Variants in AP4E1 observed in about 807,000 individuals in gnomAD.
AP4E1 encodes adaptor related protein complex 4 subunit epsilon 1, also known as AP-4 complex subunit epsilon-1.
A neutral mutation model predicts 128.2 loss-of-function variants in AP4E1; 56 were observed. The ratio of observed to expected loss-of-function variants is 0.44; its 90% CI spans 0.35 to 0.55. The LOEUF is 0.55. AP4E1 is among the 20% of genes least tolerant of loss of function. AP4E1 has a pLI of 0.00. For missense variants in AP4E1, 1,324 were observed against 1,307.7 expected, an observed-to-expected ratio of 1.01 and a Z score of -0.19; for synonymous variants, 484 against 473.1, an observed-to-expected ratio of 1.02 and a Z score of -0.30.
At chr15:50,965,780 T>C (rs939589296) in intron 14 of AP4E1, among the ~76,000 whole-genome samples, 10 of 152,346 alleles carry the variant, frequency 6.6e-5, no homozygotes, top group African/African-American at 2.4e-4. Context: ...TGTTAAAGTC[T>C]TCACCATTTT....
In AP4E1 at chr15:50,993,604, A is replaced by T; in HGVS notation, c.2325A>T (p.Gly775=). Reference sequence around the variant, plus strand: ...CATCATCATTATTTGTTGGTCTAGGATCAGAAAGTACAATCAACCTGGTAA... The same window carrying T: ...CATCATCATTATTTGTTGGTCTAGGTTCAGAAAGTACAATCAACCTGGTAA... ...LLASSLFVGL[G]SESTINLLGK... Residue 775 remains glycine, a synonymous_variant, in exon 17 of 21, where the codon GGA becomes GGT. Coordinates refer to ENST00000261842, the MANE Select transcript of AP4E1 (RefSeq NM_007347.5). The T allele has an allele frequency of 6.2e-7, 1 of 1,613,974 alleles. No individual in the cohort carries two copies. The highest frequency in any genetic ancestry group is 8.5e-7 in the Non-Finnish European group (1 of 1,179,874).
intron 11 of AP4E1, among the ~76,000 whole-genome samples, chr15:50,948,841 G>A (rs569033284): frequency 4.6e-5 from 7 of 151,568 alleles, no homozygotes; most frequent in Non-Finnish European, 1.0e-4. Context: ...GCATGGTGGC[G>A]CATGCCTGTA....
intron 16 of AP4E1, among the ~76,000 whole-genome samples, chr15:50,984,442 T>C (rs1331010011): frequency 6.6e-6 from 1 of 151,200 alleles, no homozygotes; most frequent in Non-Finnish European, 1.5e-5. Context: ...TATCTCCTAA[T>C]ACTATCCCTT....
chr15:50,949,988 T>G, intron 12 of AP4E1, 50 bp downstream of exon 12: 3 of 1,592,730 alleles, frequency 1.9e-6, no homozygotes, highest in Non-Finnish European at 2.6e-6. Flanking sequence ...AGTTTAATGT[T>G]TTTATTACAG....
chr15:50,999,342 A>G (rs896803546), intron 19 of AP4E1, 80 bp downstream of exon 19: 3 of 1,242,168 alleles, frequency 2.4e-6, no homozygotes, highest in Admixed American at 2.0e-5. Flanking sequence ...TGGAGGCACT[A>G]TGTTGGGTGC....
chr15:50,935,297 T>C (rs1321337338), intron 8 of AP4E1, among the ~76,000 whole-genome samples: 2 of 151,546 alleles, frequency 1.3e-5, no homozygotes, highest in African/African-American at 4.9e-5. Context: ...TAAGAAGACA[T>C]CTGAAGGATG....
intron 6 of AP4E1, 91 bp from the exon 7 acceptor site, chr15:50,930,714 T>C: frequency 8.4e-7 from 1 of 1,195,310 alleles, no homozygotes; most frequent in South Asian, 1.2e-5. Flanking sequence ...CTTAAGTATG[T>C]ATTAAGTCAG....
chr15:50,927,933 A>G (rs1201553933), intron 5 of AP4E1, among the ~76,000 whole-genome samples: 2 of 152,206 alleles, frequency 1.3e-5, no homozygotes, highest in Admixed American at 1.3e-4. Context: ...TGCAAATAAC[A>G]GATATGTAGA....
chr15:50,999,141 G>A lies in AP4E1; in HGVS notation c.2974G>A (p.Val992Met). The change falls in exon 19 of 21, where the codon GTG becomes ATG. Residue 992 changes from valine to methionine, a missense_variant. Physicochemically the swap from Val to Met is conservative, Grantham distance 21 (BLOSUM62 1). Transcript: ENST00000261842. The stretch of plus-strand genomic sequence containing the variant: ...AAGCACCAAAAGCTTTCAATATAGT[G>A]TGCAGATAGAAAAACCTTTTACAGA... ...AESTKSFQYS[V>M]QIEKPFTEGN... is the part of the protein sequence containing the mutation. The A allele has an allele frequency of 6.2e-7, 1 of 1,613,986 alleles. No homozygotes were observed. Among genetic ancestry groups the A allele is most frequent in the Non-Finnish European group, 8.5e-7 (1 of 1,179,960 alleles).
chr15:50,999,826 A>G (rs1341792771), intron 19 of AP4E1, among the ~76,000 whole-genome samples: 3 of 149,402 alleles, frequency 2.0e-5, no homozygotes, highest in African/African-American at 7.3e-5. Context: ...GGCAGTAGGT[A>G]TATCTCCTAA....
chr15:50,983,546 A>G (rs1445062010), intron 15 of AP4E1, among the ~76,000 whole-genome samples: 1 of 152,198 alleles, frequency 6.6e-6, no homozygotes, highest in East Asian at 1.9e-4. Context: ...TAGGTTATAC[A>G]GATTAAAAGG....
At chr15:50,913,111 C>G (rs1306040335) in intron 2 of AP4E1, among the ~76,000 whole-genome samples, 1 of 152,146 alleles carries the variant, frequency 6.6e-6, no homozygotes, top group Non-Finnish European at 1.5e-5. Flanking sequence ...TGCATAAGCA[C>G]ATGATTGTGA....
At chr15:50,917,512 T>C (rs2063644356) in intron 3 of AP4E1, among the ~76,000 whole-genome samples, 1 of 152,152 alleles carries the variant, frequency 6.6e-6, no homozygotes, top group Non-Finnish European at 1.5e-5. Flanking sequence ...TAGAGGTATC[T>C]ATTTTGTTAA....
At chr15:50,955,962 G>C (rs970297388) in intron 13 of AP4E1, among the ~76,000 whole-genome samples, 1 of 152,152 alleles carries the variant, frequency 6.6e-6, no homozygotes, top group Non-Finnish European at 1.5e-5. Context: ...AAACTTTTCT[G>C]TCCTCTTGGC....
intron 16 of AP4E1, among the ~76,000 whole-genome samples, chr15:50,992,453 T>C (rs1334587705): frequency 6.6e-6 from 1 of 152,182 alleles, no homozygotes; most frequent in Non-Finnish European, 1.5e-5. Flanking sequence ...AACTAATTAA[T>C]GGACACATAG....
intron 13 of AP4E1, among the ~76,000 whole-genome samples, chr15:50,955,821 G>A (rs547656693): frequency 6.6e-6 from 1 of 152,280 alleles, no homozygotes; most frequent in East Asian, 1.9e-4. Flanking sequence ...CACCCTGCTG[G>A]GGAATTTGGG....
rs1415467856 is a variant in AP4E1, at chr15:51,003,759, G to A, written c.*1097G>A. On this transcript the variant is annotated 3_prime_UTR_variant, in exon 21 of 21. Transcript: ENST00000261842. ...ATAGTATTTTATAAAATCTTATGGT[G>A]CTGTGGAAAATATTTATTATTTCAC... is the stretch of plus-strand genomic sequence containing the variant. 1 of 152,576 alleles carries A rather than the reference G, an allele frequency of 6.6e-6. No homozygotes were observed. The highest frequency in any genetic ancestry group is 6.6e-5 in the Admixed American group (1 of 15,262). The allele number at this position is 152,576 out of a possible 1,614,324, so 9.5% of individuals were successfully genotyped here. A position where few individuals can be genotyped will look rare whatever the true frequency, so the allele number is the denominator to read the frequency against.
intron 14 of AP4E1, among the ~76,000 whole-genome samples, chr15:50,966,967 CTT>C (rs1306103658): frequency 2.6e-5 from 4 of 152,204 alleles, no homozygotes; most frequent in Non-Finnish European, 5.9e-5. Context: ...AGAGGCAAGT[CTT>C]TGGTTTCTGA....
At position 50,990,344 on chromosome 15, in the gene AP4E1, T is replaced by TTTTTTATTATTA. The variant is rs143254695; in HGVS notation, c.2091-3024_2091-3023insTTTATTATTATT. 4.7e-3 allele frequency among the ~76,000 whole-genome samples: 657 copies of TTTTTTATTATTA among 141,090 alleles called. 11 individuals are homozygous for TTTTTTATTATTA. Among genetic ancestry groups the TTTTTTATTATTA allele is most frequent in the Non-Finnish European group, 4.5e-3 (293 of 65,426 alleles). The allele number at this position is 141,090 out of a possible 152,430, so 92.6% of individuals were successfully genotyped here. A position where few individuals can be genotyped will look rare whatever the true frequency, so the allele number is the denominator to read the frequency against. Reference sequence around the variant, plus strand: ...TTCCCATTTTTTATTATTTATTTAATTTATTATTATTATTATTATTATTAT... The same window carrying TTTTTTATTATTA: ...TTCCCATTTTTTATTATTTATTTAATTTTTTATTATTATTATTATTATTATTATTATTATTAT... On this transcript the variant is annotated intron_variant, in intron 16 of 20. Coordinates refer to ENST00000261842, the MANE Select transcript of AP4E1 (RefSeq NM_007347.5).
Sources: allele counts gnomAD v4.1 joint callset (sites outside exome capture counted in the v4.1 genomes callset), GRCh38; gene constraint gnomAD v4.1.1; transcripts MANE v1.5; gene names NCBI Gene and HGNC (gene_info 2026-07-23, HGNC 2026-07-21).